Variants in HCN1 observed in about 807,000 individuals in gnomAD.
HCN1 encodes the protein potassium/sodium hyperpolarization-activated cyclic nucleotide-gated channel 1.
HCN1 carries 13 observed loss-of-function variants against 78.9 expected under a neutral mutation model. The observed-to-expected ratio is 0.16, with a 90% confidence interval of 0.11 to 0.26. The LOEUF is 0.26. Among genes scored for constraint, HCN1 ranks in the 10% least tolerant of loss-of-function variants. The pLI is 1.00. For synonymous variants in HCN1, 552 were observed against 455.5 expected, an observed-to-expected ratio of 1.21 and a Z score of -2.70; for missense variants, 810 against 1,154.3, an observed-to-expected ratio of 0.70 and a Z score of 4.32.
At chr5:45,451,124 C>T (rs867995532) in intron 3 of HCN1, among the ~76,000 whole-genome samples, 4 of 152,028 alleles carry the variant, frequency 2.6e-5, no homozygotes, top group South Asian at 2.1e-4. Context: ...ATTAAATGAT[C>T]GAGAAATACA....
At chr5:45,622,094 C>T (rs570709138) in intron 2 of HCN1, among the ~76,000 whole-genome samples, 43 of 151,834 alleles carry the variant, frequency 2.8e-4, no homozygotes, top group African/African-American at 9.2e-4. Flanking sequence ...TGGTGGCGGG[C>T]GCCTGTAGTC....
chr5:45,455,652 T>C (rs1245274076), intron 3 of HCN1, among the ~76,000 whole-genome samples: 1 of 151,758 alleles, frequency 6.6e-6, no homozygotes, highest in Non-Finnish European at 1.5e-5. Flanking sequence ...CCGATATGTA[T>C]GTCTTTAAAT....
In HCN1 at chr5:45,605,995, G is replaced by A. The variant is rs1254550241; in HGVS notation, c.849+39190C>T. Among the ~76,000 whole-genome samples, 16 of 147,706 alleles carry A rather than the reference G, an allele frequency of 1.1e-4. 1 individual carries two copies. Among genetic ancestry groups the A allele is most frequent in the Admixed American group, 1.1e-3 (16 of 14,914 alleles). ...TAAGCATACTTGATGGGAAATATTA[G>A]CTTCACATCCTTTAATTTTTTAACA... On this transcript the variant is annotated intron_variant, in intron 2 of 7. Transcript: ENST00000303230.
At chr5:45,690,400 G>A (rs1739886837) in intron 1 of HCN1, among the ~76,000 whole-genome samples, 1 of 151,962 alleles carries the variant, frequency 6.6e-6, no homozygotes, top group Admixed American at 6.6e-5. Flanking sequence ...AAATGTGTCA[G>A]ATAAACACTC....
intron 2 of HCN1, among the ~76,000 whole-genome samples, chr5:45,610,692 A>T (rs1744815860): frequency 6.6e-6 from 1 of 151,240 alleles, no homozygotes; most frequent in African/African-American, 2.4e-5. Context: ...TGTATCCCAT[A>T]ATTAGCTTAA....
At chr5:45,313,780 A>ATTT (rs1745912902) in intron 5 of HCN1, among the ~76,000 whole-genome samples, 1 of 152,222 alleles carries the variant, frequency 6.6e-6, no homozygotes, top group South Asian at 2.1e-4. Flanking sequence ...ACTGAAGATC[A>ATTT]AATTAATGAA....
chr5:45,459,702 A>G (rs1741105407), intron 3 of HCN1, among the ~76,000 whole-genome samples: 1 of 152,162 alleles, frequency 6.6e-6, no homozygotes, highest in African/African-American at 2.4e-5. Flanking sequence ...TACTATATCT[A>G]TGATGACAAT....
chr5:45,461,731 T>G, intron 3 of HCN1, 115 bp downstream of exon 3: 1 of 1,003,408 alleles, frequency 1.0e-6, no homozygotes, highest in Non-Finnish European at 1.5e-6. Context: ...AGAAGCAAAA[T>G]CAAGTTGTCT....
intron 3 of HCN1, among the ~76,000 whole-genome samples, chr5:45,405,134 T>A (rs1325018798): frequency 6.6e-6 from 1 of 152,138 alleles, no homozygotes. Context: ...GCATGTCTAT[T>A]TTTTTCCTGC....
At chr5:45,505,958 T>G (rs190753094) in intron 2 of HCN1, among the ~76,000 whole-genome samples, 11 of 152,250 alleles carry the variant, frequency 7.2e-5, no homozygotes, top group African/African-American at 2.4e-4. Flanking sequence ...AAGGTATCAT[T>G]ATATCTTGGT....
chr5:45,299,390 T>C (rs1477652549), intron 6 of HCN1, among the ~76,000 whole-genome samples: 1 of 152,008 alleles, frequency 6.6e-6, no homozygotes, highest in African/African-American at 2.4e-5. Context: ...GGGAACCATA[T>C]ATCTACATCA....
rs1175980019 is a variant in HCN1 at position 45,478,387 on chromosome 5, T to A, written c.850-16380A>T. Reference sequence around the variant, plus strand: ...ATTAATTATGTAGAATGTTAGCAGATGCTAAACTTTATGACCACAACAATG... The same window carrying A: ...ATTAATTATGTAGAATGTTAGCAGAAGCTAAACTTTATGACCACAACAATG... On this transcript the variant is annotated intron_variant, in intron 2 of 7. Transcript: ENST00000303230. Among the ~76,000 whole-genome samples the A allele has an allele frequency of 5.9e-5, 9 of 152,312 alleles. No individual in the cohort carries two copies. The East Asian group carries it at 1.7e-3, about 29-fold the overall frequency.
intron 5 of HCN1, among the ~76,000 whole-genome samples, chr5:45,317,010 A>C (rs1024002052): frequency 1.3e-5 from 2 of 152,208 alleles, no homozygotes; most frequent in African/African-American, 4.8e-5. Context: ...TATTGATTCA[A>C]TGCCATCCCC....
chr5:45,438,540 G>A (rs1407290263), intron 3 of HCN1, among the ~76,000 whole-genome samples: 4 of 148,638 alleles, frequency 2.7e-5, no homozygotes, highest in Non-Finnish European at 4.4e-5. Context: ...GCAGTGAGCC[G>A]AATCGCGCTA....
chr5:45,525,839 T>TG (rs1579949725), intron 2 of HCN1, among the ~76,000 whole-genome samples: 1 of 152,004 alleles, frequency 6.6e-6, no homozygotes, highest in African/African-American at 2.4e-5. Flanking sequence ...ATTCATGTGT[T>TG]GGGGCCCTAA....
At chr5:45,634,211 T>C (rs946679110) in intron 2 of HCN1, among the ~76,000 whole-genome samples, 4 of 152,018 alleles carry the variant, frequency 2.6e-5, no homozygotes, top group East Asian at 1.9e-4. Context: ...CTCCCTCAGA[T>C]TGTGACACTC....
intron 5 of HCN1, among the ~76,000 whole-genome samples, chr5:45,305,059 G>C (rs1219655860): frequency 6.6e-6 from 1 of 152,054 alleles, no homozygotes; most frequent in Non-Finnish European, 1.5e-5. Flanking sequence ...AAAAAGGTTG[G>C]GACTGCATTT....
intron 2 of HCN1, among the ~76,000 whole-genome samples, chr5:45,463,393 A>T (rs1741205196): frequency 6.6e-6 from 1 of 151,980 alleles, no homozygotes; most frequent in Non-Finnish European, 1.5e-5. Flanking sequence ...TATAGTGAGC[A>T]AAAAGATTTT....
At chr5:45,348,028 C>T (rs1017042736) in intron 5 of HCN1, among the ~76,000 whole-genome samples, 7 of 152,152 alleles carry the variant, frequency 4.6e-5, no homozygotes, top group African/African-American at 1.4e-4. Flanking sequence ...CACAAAGATA[C>T]TCCTTGAGAA....
Sources: allele counts gnomAD v4.1 joint callset (sites outside exome capture counted in the v4.1 genomes callset), GRCh38; gene constraint gnomAD v4.1.1; transcripts MANE v1.5; gene names NCBI Gene and HGNC (gene_info 2026-07-23, HGNC 2026-07-21).